Variants in SHROOM3 observed in about 807,000 individuals in gnomAD.
The protein encoded by SHROOM3 is protein Shroom3.
SHROOM3 carries 47 observed loss-of-function variants against 138.6 expected under a neutral mutation model. The ratio of observed to expected loss-of-function variants is 0.34; its 90% CI spans 0.27 to 0.43. The LOEUF (loss-of-function observed/expected upper bound fraction) is 0.43. SHROOM3 is among the 20% of genes least tolerant of loss of function. The pLI, the probability that SHROOM3 is intolerant of heterozygous loss-of-function variation, is 1.00. For synonymous variants in SHROOM3, 1,062 were observed against 1,063.3 expected, an observed-to-expected ratio of 1.00 and a Z score of 0.02; for missense variants, 2,491 against 2,596.5, an observed-to-expected ratio of 0.96 and a Z score of 0.88.
In SHROOM3 at chr4:76,623,820, G is replaced by T. The variant is rs548163453; in HGVS notation, c.323+68057G>T. 7.2e-5 allele frequency among the ~76,000 whole-genome samples: 11 copies of T among 152,258 alleles called. No individual in the cohort carries two copies. The East Asian group carries it at 1.9e-3, about 27-fold the overall frequency. On this transcript the variant is annotated intron_variant, in intron 2 of 10. Coordinates refer to ENST00000296043, the MANE Select transcript of SHROOM3 (RefSeq NM_020859.4). ...TGAGAGTGTGGAATTGAATGAACAC[G>T]CCTGGGATTTGAAATGAGAGATCTG...
chr4:76,660,429 G>A (rs1363789811), intron 2 of SHROOM3, among the ~76,000 whole-genome samples: 1 of 152,028 alleles, frequency 6.6e-6, no homozygotes. Context: ...CAACACCTCA[G>A]CGATAACTAG....
At chr4:76,437,992 A>C (rs775192870) in intron 1 of SHROOM3, among the ~76,000 whole-genome samples, 22 of 152,154 alleles carry the variant, frequency 1.4e-4, no homozygotes, top group Non-Finnish European at 2.5e-4. Flanking sequence ...CTATCCTACT[A>C]TCTACTTTAA....
At chr4:76,675,461 T>G (rs1312681313) in intron 2 of SHROOM3, among the ~76,000 whole-genome samples, 1 of 152,224 alleles carries the variant, frequency 6.6e-6, no homozygotes, top group Non-Finnish European at 1.5e-5. Context: ...ATCTATTATC[T>G]ACCATGCCTT....
intron 1 of SHROOM3, among the ~76,000 whole-genome samples, chr4:76,551,951 T>A (rs1198435728): frequency 1.3e-5 from 2 of 150,624 alleles, no homozygotes; most frequent in Non-Finnish European, 3.0e-5. Flanking sequence ...AAGCTCTGCC[T>A]CCTGGGTTCA....
intron 1 of SHROOM3, among the ~76,000 whole-genome samples, chr4:76,523,244 T>C (rs775330213): frequency 1.3e-5 from 2 of 152,336 alleles, no homozygotes; most frequent in South Asian, 2.1e-4. Flanking sequence ...TAAACTTCTT[T>C]CTTTTTATAA....
chr4:76,517,332 G>A (rs1010867331), intron 1 of SHROOM3, among the ~76,000 whole-genome samples: 1 of 152,116 alleles, frequency 6.6e-6, no homozygotes, highest in African/African-American at 2.4e-5. Context: ...GACTATCAAA[G>A]ATACAGTGTC....
At chr4:76,587,516 G>A (rs1466583200) in intron 2 of SHROOM3, among the ~76,000 whole-genome samples, 1 of 152,028 alleles carries the variant, frequency 6.6e-6, no homozygotes, top group African/African-American at 2.4e-5. Flanking sequence ...ACAGCAATAG[G>A]GCAAACAGGT....
At chr4:76,666,330 G>A (rs1247241463) in intron 2 of SHROOM3, among the ~76,000 whole-genome samples, 4 of 152,182 alleles carry the variant, frequency 2.6e-5, no homozygotes, top group Non-Finnish European at 5.9e-5. Context: ...CCTGCCTGGT[G>A]TAATCACGGC....
intron 2 of SHROOM3, among the ~76,000 whole-genome samples, chr4:76,666,971 C>T (rs973577390): frequency 6.6e-6 from 1 of 152,124 alleles, no homozygotes; most frequent in African/African-American, 2.4e-5. Flanking sequence ...AGAAGCCAGT[C>T]ACAGAAGGAA....
intron 1 of SHROOM3, among the ~76,000 whole-genome samples, chr4:76,529,829 G>C (rs1732795015): frequency 1.3e-5 from 2 of 152,176 alleles, no homozygotes; most frequent in African/African-American, 4.8e-5. Flanking sequence ...CTAGTCTGGG[G>C]AGGGGAGCTT....
Position 76,778,843 on chromosome 4 carries a change from G to A in SHROOM3, c.5657G>A (p.Gly1886Asp). Residue 1886 changes from glycine (G) to aspartate (D), a missense_variant, in exon 11 of 11, where the codon GGT (glycine) becomes GAT (aspartate). By Grantham distance (94) the Gly-to-Asp change is moderately conservative. Around this residue, in one of 4 missense-constraint regions of SHROOM3, gnomAD observed 470 missense variants for 595.0 expected, o/e 0.79. Coordinates refer to ENST00000296043, the MANE Select transcript of SHROOM3 (RefSeq NM_020859.4). ...TACGAGAAAAGGAAGATCCTGGCTG[G>A]TCAGCATGAGGATGCCCGGGAGCTG... ...SLYEKRKILAGQHEDARELKE... is the reference protein window; with the variant it reads ...SLYEKRKILADQHEDARELKE... 1.2e-6 allele frequency: 2 copies of A among 1,612,586 alleles called. No homozygotes were observed. Among genetic ancestry groups the A allele is most frequent in the South Asian group, 2.2e-5 (2 of 91,012 alleles).
chr4:76,774,457 T>C (rs1722473236), intron 10 of SHROOM3, among the ~76,000 whole-genome samples: 1 of 152,126 alleles, frequency 6.6e-6, no homozygotes, highest in African/African-American at 2.4e-5. Flanking sequence ...GAGGAGTATC[T>C]ATAAGGCTTT....
intron 2 of SHROOM3, among the ~76,000 whole-genome samples, chr4:76,595,227 T>C (rs1057258219): frequency 2.0e-5 from 3 of 152,250 alleles, no homozygotes; most frequent in Non-Finnish European, 2.9e-5. Context: ...TTAACTCTTA[T>C]TATTATTTAG....
At chr4:76,728,629 A>G (rs1401431387) in intron 3 of SHROOM3, among the ~76,000 whole-genome samples, 5 of 152,118 alleles carry the variant, frequency 3.3e-5, no homozygotes, top group Non-Finnish European at 5.9e-5. Context: ...TCTGCTGTTG[A>G]TGTCTTGATT....
At chr4:76,566,832 C>T (rs1403794906) in intron 2 of SHROOM3, among the ~76,000 whole-genome samples, 3 of 152,230 alleles carry the variant, frequency 2.0e-5, no homozygotes, top group African/African-American at 4.8e-5. Flanking sequence ...TTTTTACCAC[C>T]TGTCTCCTCA....
chr4:76,457,951 G>A (rs374068164), intron 1 of SHROOM3, among the ~76,000 whole-genome samples: 13 of 151,776 alleles, frequency 8.6e-5, no homozygotes, highest in South Asian at 4.2e-4. Context: ...GCCCACCACC[G>A]TGTCTGGCCA....
chr4:76,441,452 G>A (rs1730681570), intron 1 of SHROOM3, among the ~76,000 whole-genome samples: 1 of 152,076 alleles, frequency 6.6e-6, no homozygotes, highest in African/African-American at 2.4e-5. Context: ...TCTGGTTGAG[G>A]ACCCAAAGTC....
chr4:76,691,646 A>G (rs1412253692), intron 2 of SHROOM3, among the ~76,000 whole-genome samples: 2 of 152,244 alleles, frequency 1.3e-5, no homozygotes, highest in Non-Finnish European at 2.9e-5. Context: ...GAACTGATTC[A>G]TGGGAATTAA....
At chr4:76,728,093 T>C (rs1215982148) in intron 3 of SHROOM3, among the ~76,000 whole-genome samples, 1 of 152,056 alleles carries the variant, frequency 6.6e-6, no homozygotes, top group Non-Finnish European at 1.5e-5. Flanking sequence ...CAAGAATCAC[T>C]TGAACCTGGG....
Sources: gnomAD v4.1 joint callset for allele counts (sites outside exome capture counted in the v4.1 genomes callset) on GRCh38, gnomAD v4.1.1 for gene constraint, gnomAD v4.1.1 regional missense constraint, MANE v1.5 for transcripts, NCBI Gene and HGNC (gene_info 2026-07-23, HGNC 2026-07-21) for gene names.